GRIA1: variants seen among roughly 807,000 people sequenced by gnomAD.
GRIA1 encodes the protein glutamate ionotropic receptor AMPA type subunit 1.
A neutral mutation model predicts 99.2 loss-of-function variants in GRIA1; 31 were observed. The ratio of observed to expected loss-of-function variants is 0.31; its 90% CI spans 0.23 to 0.42. GRIA1 has a LOEUF of 0.42. Among genes scored for constraint, GRIA1 ranks in the 10% least tolerant of loss-of-function variants. GRIA1 has a pLI of 1.00. For missense variants in GRIA1, 782 were observed against 1,157.5 expected, an observed-to-expected ratio of 0.68 and a Z score of 4.71; for synonymous variants, 438 against 432.4, an observed-to-expected ratio of 1.01 and a Z score of -0.16.
intron 2 of GRIA1, among the ~76,000 whole-genome samples, chr5:153,620,751 A>G (rs1195725108): frequency 1.3e-5 from 2 of 152,218 alleles, no homozygotes; most frequent in African/African-American, 4.8e-5. Context: ...AAGGTCTTAT[A>G]GACTGTAAAT....
At chr5:153,514,305 G>C (rs1461794323) in intron 2 of GRIA1, among the ~76,000 whole-genome samples, 1 of 152,172 alleles carries the variant, frequency 6.6e-6, no homozygotes, top group Non-Finnish European at 1.5e-5. Context: ...TTTTTCTCCA[G>C]TCGTTTTACA....
chr5:153,546,135 G>A (rs893919612), intron 2 of GRIA1, among the ~76,000 whole-genome samples: 2 of 152,150 alleles, frequency 1.3e-5, no homozygotes, highest in African/African-American at 4.8e-5. Flanking sequence ...GAATTTGTAG[G>A]GGAACATTAG....
At chr5:153,598,097 T>C (rs1338272514) in intron 2 of GRIA1, among the ~76,000 whole-genome samples, 1 of 152,024 alleles carries the variant, frequency 6.6e-6, no homozygotes, top group Admixed American at 6.6e-5. Context: ...ATTGTATAAA[T>C]GTGATTTTAT....
intron 2 of GRIA1, among the ~76,000 whole-genome samples, chr5:153,550,785 A>T (rs531307139): frequency 6.6e-6 from 1 of 152,320 alleles, no homozygotes; most frequent in East Asian, 1.9e-4. Context: ...CTGCCTCACA[A>T]TCATCTGGAC....
At chr5:153,622,537 C>G (rs553588297) in intron 2 of GRIA1, among the ~76,000 whole-genome samples, 26 of 152,228 alleles carry the variant, frequency 1.7e-4, no homozygotes, top group African/African-American at 5.8e-4. Context: ...AGTATGGATA[C>G]CTTTGCCATG....
intron 7 of GRIA1, among the ~76,000 whole-genome samples, chr5:153,685,743 A>AATT (rs1275800186): frequency 6.6e-6 from 1 of 152,198 alleles, no homozygotes; most frequent in African/African-American, 2.4e-5. Context: ...TTCTTAAAGG[A>AATT]ATTAAGAAGC....
intron 2 of GRIA1, among the ~76,000 whole-genome samples, chr5:153,630,080 T>TA (rs142885318): frequency 0.097 from 14,729 of 152,230 alleles, 948 homozygotes; most frequent in Non-Finnish European, 0.14. Context: ...CCTGCCTACC[T>TA]ATGTTTTAGT....
intron 2 of GRIA1, among the ~76,000 whole-genome samples, chr5:153,642,646 A>AT (rs1753854360): frequency 6.6e-6 from 1 of 151,958 alleles, no homozygotes; most frequent in African/African-American, 2.4e-5. Flanking sequence ...AGAAAAAAAA[A>AT]AAAAACAAAG....
chr5:153,624,107 ACCTTGACATTTAACCGTAAT>A (rs1163017865), intron 2 of GRIA1, among the ~76,000 whole-genome samples: 1 of 152,140 alleles, frequency 6.6e-6, no homozygotes, highest in Non-Finnish European at 1.5e-5. Context: ...TCCCCAGCTC[ACCTTGACATTTAACCGTAAT>A]AAGCACTCTT....
At chr5:153,739,443 T>A (rs192877294) in intron 11 of GRIA1, among the ~76,000 whole-genome samples, 1 of 152,330 alleles carries the variant, frequency 6.6e-6, no homozygotes, top group Admixed American at 6.5e-5. Context: ...AGAAGCCTCC[T>A]GATAAATATC....
At chr5:153,622,749 A>T (rs548619310) in intron 2 of GRIA1, among the ~76,000 whole-genome samples, 1 of 152,276 alleles carries the variant, frequency 6.6e-6, no homozygotes, top group Non-Finnish European at 1.5e-5. Context: ...TTTTTCAGGT[A>T]GTTACTCCAC....
At chr5:153,799,349 C>T (rs1026615739) in intron 14 of GRIA1, among the ~76,000 whole-genome samples, 3 of 152,158 alleles carry the variant, frequency 2.0e-5, no homozygotes, top group African/African-American at 7.2e-5. Context: ...CCAGGATTTC[C>T]CATTTTATTC....
chr5:153,792,436 CT>C (rs1435119151), intron 13 of GRIA1, among the ~76,000 whole-genome samples: 1 of 152,204 alleles, frequency 6.6e-6, no homozygotes, highest in Non-Finnish European at 1.5e-5. Context: ...TTTGTTCTCT[CT>C]TTTAGTTGAT....
At chr5:153,742,520 G>A (rs1224842355) in intron 11 of GRIA1, among the ~76,000 whole-genome samples, 3 of 152,178 alleles carry the variant, frequency 2.0e-5, no homozygotes, top group African/African-American at 7.2e-5. Context: ...GGTGTGAGCA[G>A]GGTGATATTT....
intron 13 of GRIA1, among the ~76,000 whole-genome samples, chr5:153,784,191 C>T (rs763257129): frequency 3.1e-4 from 47 of 152,058 alleles, no homozygotes; most frequent in Non-Finnish European, 4.6e-4. Flanking sequence ...CTGGTTTGCT[C>T]AGGATTGAGG....
chr5:153,518,485 T>C (rs576178929), intron 2 of GRIA1, among the ~76,000 whole-genome samples: 1 of 152,250 alleles, frequency 6.6e-6, no homozygotes, highest in African/African-American at 2.4e-5. Flanking sequence ...GCCCTGGGGA[T>C]ACAGACATGA....
At position 153,586,000 on chromosome 5, in the gene GRIA1, C is replaced by A. The variant is rs543652037; in HGVS notation, c.221-60928C>A. Reference sequence around the variant, plus strand: ...GGAGTGTGCTGATTTCAAGCATTTGCCAATTTTCATGATGTAAAGACCTTT... The same window carrying A: ...GGAGTGTGCTGATTTCAAGCATTTGACAATTTTCATGATGTAAAGACCTTT... On this transcript the variant is annotated intron_variant, in intron 2 of 15. Transcript: ENST00000285900. Among the ~76,000 whole-genome samples, 5 of 152,062 alleles carry A rather than the reference C, an allele frequency of 3.3e-5. No individual in the cohort carries two copies. The East Asian group carries it at 5.8e-4, about 18-fold the overall frequency.
At chr5:153,594,705 T>C (rs940105501) in intron 2 of GRIA1, among the ~76,000 whole-genome samples, 3 of 152,094 alleles carry the variant, frequency 2.0e-5, no homozygotes, top group Non-Finnish European at 4.4e-5. Context: ...TGCATGCAAG[T>C]AGGAAGATGG....
chr5:153,571,290 T>C (rs766518767), intron 2 of GRIA1, among the ~76,000 whole-genome samples: 1 of 152,122 alleles, frequency 6.6e-6, no homozygotes, highest in Non-Finnish European at 1.5e-5. Flanking sequence ...GATGGGGACA[T>C]GTAGGCTCAC....
Sources: gnomAD v4.1 joint callset for allele counts (sites outside exome capture counted in the v4.1 genomes callset) on GRCh38, gnomAD v4.1.1 for gene constraint, MANE v1.5 for transcripts, NCBI Gene and HGNC (gene_info 2026-07-23, HGNC 2026-07-21) for gene names.